The following MYOM1 variants were observed in gnomAD, a reference collection of about 807,000 sequenced individuals.
MYOM1 encodes the protein myomesin-1.
A neutral mutation model predicts 205.3 loss-of-function variants in MYOM1; 164 were observed. That is an observed-to-expected ratio of 0.80 (90% CI 0.70 to 0.91). The LOEUF is 0.91. MYOM1 is among the 40% of genes least tolerant of loss of function. The pLI is 0.00. For synonymous variants in MYOM1, 772 were observed against 789.4 expected, an observed-to-expected ratio of 0.98 and a Z score of 0.37; for missense variants, 2,011 against 2,127.3, an observed-to-expected ratio of 0.95 and a Z score of 1.08.
rs1299905452 is a variant in MYOM1, at chr18:3,168,809, A to G, written c.1339+8T>C. The G allele has an allele frequency of 1.2e-6, 2 of 1,613,584 alleles. No individual in the cohort carries two copies. Among genetic ancestry groups the G allele is most frequent in the Non-Finnish European group, 1.7e-6 (2 of 1,179,716 alleles). On this transcript the variant is annotated splice_region_variant and intron_variant, in intron 9 of 37. Coordinates refer to ENST00000356443, the MANE Select transcript of MYOM1 (RefSeq NM_003803.4). ...GAACCTAAGTGAGCATTCATTGTAA[A>G]GACTCACCGTTTCTGTACCACTGGA...
chr18:3,234,926 T>TC, the MYOM1 span, among the ~76,000 whole-genome samples: 1 of 151,788 alleles, frequency 6.6e-6, no homozygotes, highest in African/African-American at 2.4e-5. Context: ...TCTTTAAATT[T>TC]TTTTTTTTTT....
intron 33 of MYOM1, among the ~76,000 whole-genome samples, 194 bp downstream of exon 33, chr18:3,083,595 A>ATTTTTTTTTTTTTTTTTTT (rs59299057): frequency 9.3e-6 from 1 of 107,152 alleles, no homozygotes; most frequent in African/African-American, 3.5e-5. Context: ...CGCCCAGCTC[A>ATTTTTTTTTTTTTTTTTTT]TTTTTTTTTT....
intron 37 of MYOM1, among the ~76,000 whole-genome samples, chr18:3,070,995 G>C (rs756978848): frequency 2.0e-5 from 3 of 152,138 alleles, no homozygotes; most frequent in Non-Finnish European, 4.4e-5. Context: ...CTGGGCTCAA[G>C]TGATCTGCGT....
intron 27 of MYOM1, among the ~76,000 whole-genome samples, chr18:3,090,117 G>A (rs985106876): frequency 6.6e-6 from 1 of 152,060 alleles, no homozygotes; most frequent in African/African-American, 2.4e-5. Flanking sequence ...GTATTTAAAC[G>A]CAGTCTTGCC....
chr18:3,093,059 C>T (rs1355851901), intron 26 of MYOM1, among the ~76,000 whole-genome samples: 1 of 152,076 alleles, frequency 6.6e-6, no homozygotes, highest in Non-Finnish European at 1.5e-5. Flanking sequence ...GGAGACGGGT[C>T]GCAGTGGACA....
At position 3,214,954 on chromosome 18, in the gene MYOM1, G is replaced by T. The variant is rs1598777961; in HGVS notation, c.270C>A (p.Tyr90Ter). Residue 90 changes from tyrosine to a stop codon, truncating the protein, a stop_gained, in exon 2 of 38, where the codon TAC becomes TAA. Transcript: ENST00000356443. LOFTEE classifies it high-confidence loss of function. ...SEVSRKAASA[Y>*]DYGSSHGLTD... Reference sequence around the variant, plus strand: ...CATACCCATGGGAGGAGCCATAATCGTAGGCTGAGGCTGCCTTCCGACTGA... The same window carrying T: ...CATACCCATGGGAGGAGCCATAATCTTAGGCTGAGGCTGCCTTCCGACTGA... 2 of 1,605,194 alleles carry T rather than the reference G, an allele frequency of 1.2e-6. No homozygotes were observed. The highest frequency in any genetic ancestry group is 1.7e-5 in the Admixed American group (1 of 59,646).
the MYOM1 span, among the ~76,000 whole-genome samples, chr18:3,237,877 G>A: frequency 6.6e-6 from 1 of 152,100 alleles, no homozygotes; most frequent in South Asian, 2.1e-4. Context: ...TGGTGGTGAT[G>A]CATAACACTA....
the MYOM1 span, among the ~76,000 whole-genome samples, chr18:3,232,040 T>C: frequency 6.6e-6 from 1 of 151,924 alleles, no homozygotes; most frequent in Non-Finnish European, 1.5e-5. Flanking sequence ...TTTTTAAAAG[T>C]AGAACCCGGC....
At chr18:3,084,425 G>T (rs2079126367) in intron 31 of MYOM1, among the ~76,000 whole-genome samples, 1 of 152,108 alleles carries the variant, frequency 6.6e-6, no homozygotes, top group Non-Finnish European at 1.5e-5. Context: ...TAGGTCTCCT[G>T]GCCTTCATCA....
chr18:3,147,767 T>C (rs978459385), intron 13 of MYOM1, among the ~76,000 whole-genome samples: 2 of 152,192 alleles, frequency 1.3e-5, no homozygotes, highest in Admixed American at 6.5e-5. Flanking sequence ...TTTCAATAGA[T>C]ATTGCTGAAA....
intron 11 of MYOM1, among the ~76,000 whole-genome samples, chr18:3,154,174 A>G (rs769962144): frequency 3.7e-4 from 57 of 152,106 alleles, no homozygotes; most frequent in Non-Finnish European, 4.6e-4. Context: ...CTGAATTCCA[A>G]TGATTTCATT....
At chr18:3,190,623 TGAAA>T (rs2080891343) in intron 3 of MYOM1, 1 of 152,206 alleles carries the variant, frequency 6.6e-6, no homozygotes. Flanking sequence ...AGGAAGAAGA[TGAAA>T]GATTTTTAGC....
At chr18:3,218,450 G>A (rs1259738450) in intron 1 of MYOM1, among the ~76,000 whole-genome samples, 1 of 152,056 alleles carries the variant, frequency 6.6e-6, no homozygotes, top group African/African-American at 2.4e-5. Context: ...TTTATCTTAG[G>A]GTTCATGGAA....
At chr18:3,242,374 C>T in the MYOM1 span, among the ~76,000 whole-genome samples, 2 of 152,194 alleles carry the variant, frequency 1.3e-5, no homozygotes, top group Admixed American at 1.3e-4. Context: ...AGGAGAGTTT[C>T]CCTGCATAAG....
At chr18:3,118,561 T>C (rs991780446) in intron 20 of MYOM1, among the ~76,000 whole-genome samples, 1 of 152,056 alleles carries the variant, frequency 6.6e-6, no homozygotes, top group African/African-American at 2.4e-5. Context: ...CTTGAACCCC[T>C]GGGCTCAGGC....
At chr18:3,247,347 C>G in the MYOM1 span, 1 of 152,438 alleles carries the variant, frequency 6.6e-6, no homozygotes, top group East Asian at 1.9e-4. Context: ...AGACCCAGAC[C>G]CCGCGCGGGG....
At chr18:3,087,456 C>CCCA (rs1350950203) in intron 29 of MYOM1, among the ~76,000 whole-genome samples, 2 of 151,178 alleles carry the variant, frequency 1.3e-5, no homozygotes, top group Admixed American at 1.3e-4. Flanking sequence ...AGAGGAAGGT[C>CCCA]CCAGTGTGCA....
intron 3 of MYOM1, among the ~76,000 whole-genome samples, chr18:3,192,952 G>A (rs2080932120): frequency 6.6e-6 from 1 of 151,898 alleles, no homozygotes; most frequent in Non-Finnish European, 1.5e-5. Context: ...CTACCTAAAT[G>A]TGTCATCTTG....
At chr18:3,141,795 A>C in intron 14 of MYOM1, 144 bp downstream of exon 14, 1 of 1,030,592 alleles carries the variant, frequency 9.7e-7, no homozygotes. Context: ...CTATGGAGAC[A>C]GTTCACAGTT....
Sources: gnomAD v4.1 joint callset for allele counts (sites outside exome capture counted in the v4.1 genomes callset) on GRCh38, gnomAD v4.1.1 for gene constraint, MANE v1.5 for transcripts, NCBI Gene and HGNC (gene_info 2026-07-23, HGNC 2026-07-21) for gene names.